TSPAN5: variants seen among roughly 807,000 people sequenced by gnomAD.
The protein encoded by TSPAN5 is tetraspanin 5.
In TSPAN5, 10 loss-of-function variants were observed where a neutral mutation model predicts 37.1. That is an observed-to-expected ratio of 0.27 (90% CI 0.17 to 0.46). The LOEUF (loss-of-function observed/expected upper bound fraction) is 0.46, where lower values mean the gene tolerates loss of function less well. TSPAN5 is among the 20% of genes least tolerant of loss of function. TSPAN5 has a pLI of 1.00. For missense variants in TSPAN5, 195 were observed against 326.6 expected (o/e 0.60, Z 3.11); for synonymous variants, 110 against 118.9 (o/e 0.93, Z 0.48).
At chr4:98,501,122 G>A (rs1753337397) in intron 2 of TSPAN5, among the ~76,000 whole-genome samples, 1 of 152,150 alleles carries the variant, frequency 6.6e-6, no homozygotes, top group Non-Finnish European at 1.5e-5. Context: ...ATTTTTCCAT[G>A]AAATGAGATA....
chr4:98,581,048 G>C (rs1236083074), intron 1 of TSPAN5, among the ~76,000 whole-genome samples: 5 of 151,946 alleles, frequency 3.3e-5, no homozygotes, highest in African/African-American at 4.8e-5. Context: ...TCAATATAAA[G>C]GGGAAAAAAA....
chr4:98,554,154 A>G (rs1754686551), intron 1 of TSPAN5, among the ~76,000 whole-genome samples: 1 of 152,200 alleles, frequency 6.6e-6, no homozygotes, highest in Admixed American at 6.5e-5. Context: ...AGTTTTTCTC[A>G]AAGCATAACT....
intron 1 of TSPAN5, among the ~76,000 whole-genome samples, chr4:98,512,777 A>C (rs1753638883): frequency 6.6e-6 from 1 of 152,148 alleles, no homozygotes; most frequent in African/African-American, 2.4e-5. Flanking sequence ...ATCTGCAACA[A>C]ATATTCTTGA....
intron 1 of TSPAN5, among the ~76,000 whole-genome samples, chr4:98,573,499 G>A (rs1260854617): frequency 6.6e-6 from 1 of 152,204 alleles, no homozygotes; most frequent in African/African-American, 2.4e-5. Flanking sequence ...GCCTCCCAAA[G>A]TTTTAGGATT....
At chr4:98,494,331 G>T (rs183194298) in intron 2 of TSPAN5, among the ~76,000 whole-genome samples, 25 of 152,088 alleles carry the variant, frequency 1.6e-4, no homozygotes, top group Middle Eastern at 3.4e-3. Context: ...CTCAGAAAGT[G>T]GGGTAGCCTG....
At chr4:98,641,700 A>T (rs1756964692) in intron 1 of TSPAN5, among the ~76,000 whole-genome samples, 1 of 152,126 alleles carries the variant, frequency 6.6e-6, no homozygotes, top group African/African-American at 2.4e-5. Flanking sequence ...TCCTAATTCA[A>T]CATATAAACG....
intron 1 of TSPAN5, among the ~76,000 whole-genome samples, chr4:98,630,617 C>T (rs1245491067): frequency 1.3e-5 from 2 of 152,126 alleles, no homozygotes; most frequent in Non-Finnish European, 2.9e-5. Context: ...AAGGGAGGGG[C>T]CCACGGAATC....
intron 1 of TSPAN5, among the ~76,000 whole-genome samples, chr4:98,560,417 C>T (rs566261236): frequency 2.9e-4 from 44 of 152,024 alleles, no homozygotes; most frequent in Non-Finnish European, 4.4e-5. Context: ...TTGTTCATTC[C>T]ACAAACATAT....
At chr4:98,599,568 A>T (rs1193884316) in intron 1 of TSPAN5, among the ~76,000 whole-genome samples, 2 of 152,158 alleles carry the variant, frequency 1.3e-5, no homozygotes, top group African/African-American at 4.8e-5. Flanking sequence ...CCACCACCCC[A>T]AAAAGTTCCC....
chr4:98,583,136 G>A (rs1354431325), intron 1 of TSPAN5, among the ~76,000 whole-genome samples: 1 of 152,128 alleles, frequency 6.6e-6, no homozygotes, highest in Non-Finnish European at 1.5e-5. Flanking sequence ...TCAAAACTGT[G>A]TATGTGATTC....
chr4:98,652,773 T>C (rs1196409741), intron 1 of TSPAN5, among the ~76,000 whole-genome samples: 1 of 152,246 alleles, frequency 6.6e-6, no homozygotes, highest in East Asian at 1.9e-4. Flanking sequence ...GCAGATTGCT[T>C]TCACCTTTTG....
intron 1 of TSPAN5, among the ~76,000 whole-genome samples, chr4:98,540,949 CT>C (rs2110141038): frequency 6.6e-6 from 1 of 152,342 alleles, no homozygotes; most frequent in East Asian, 1.9e-4. Context: ...GGTTAAACAA[CT>C]GCACAGGATG....
intron 1 of TSPAN5, among the ~76,000 whole-genome samples, chr4:98,533,962 A>AAAAAAAAAAAAAAG (rs70955935): frequency 6.8e-6 from 1 of 147,166 alleles, no homozygotes; most frequent in South Asian, 2.2e-4. Context: ...AAAAAAAAAA[A>AAAAAAAAAAAAAAG]CCAGCTCCTG....
intron 2 of TSPAN5, among the ~76,000 whole-genome samples, chr4:98,491,158 G>A (rs1753077367): frequency 6.6e-6 from 1 of 152,112 alleles, no homozygotes; most frequent in Non-Finnish European, 1.5e-5. Context: ...GTTAGCATGT[G>A]CATTACCTCA....
chr4:98,570,287 T>C (rs1755091071), intron 1 of TSPAN5, among the ~76,000 whole-genome samples: 1 of 152,110 alleles, frequency 6.6e-6, no homozygotes, highest in South Asian at 2.1e-4. Context: ...GCAACACATG[T>C]AGAAACTCCC....
Position 98,602,869 on chromosome 4 carries a change from A to G in TSPAN5, c.81+55277T>C, listed in dbSNP as rs550748159. ...TCCAAACAGGCTCCTAACACATATG[A>G]CATACAGCAATGCAATAAAGTGAAG... On this transcript the variant is annotated intron_variant, in intron 1 of 7. Transcript: ENST00000305798. 2.1e-4 allele frequency among the ~76,000 whole-genome samples: 32 copies of G among 152,312 alleles called. No individual in the cohort carries two copies. The South Asian group carries it at 6.6e-3, about 32-fold the overall frequency.
intron 1 of TSPAN5, among the ~76,000 whole-genome samples, chr4:98,511,623 G>C (rs1373263860): frequency 6.6e-6 from 1 of 152,158 alleles, no homozygotes; most frequent in Non-Finnish European, 1.5e-5. Context: ...AGCTGCACTG[G>C]TAAGTGTAAA....
chr4:98,622,090 C>CT (rs1427479553), intron 1 of TSPAN5, among the ~76,000 whole-genome samples: 1 of 151,988 alleles, frequency 6.6e-6, no homozygotes, highest in African/African-American at 2.4e-5. Flanking sequence ...TGCACACTTT[C>CT]TTTTTTTGAG....
At chr4:98,652,584 A>C (rs1421228506) in intron 1 of TSPAN5, among the ~76,000 whole-genome samples, 1 of 152,236 alleles carries the variant, frequency 6.6e-6, no homozygotes, top group Non-Finnish European at 1.5e-5. Flanking sequence ...TGGGGCTATC[A>C]TTACGGAAGA....
Sources: allele counts gnomAD v4.1 joint callset (sites outside exome capture counted in the v4.1 genomes callset), GRCh38; gene constraint gnomAD v4.1.1; transcripts MANE v1.5; gene names NCBI Gene and HGNC (gene_info 2026-07-23, HGNC 2026-07-21).